Variants in THAP2 observed in about 807,000 individuals in gnomAD.
THAP2 encodes the protein THAP domain containing 2, also known as THAP domain-containing protein 2.
A neutral mutation model predicts 18.8 loss-of-function variants in THAP2; 16 were observed. The observed-to-expected ratio is 0.85, with a 90% CI of 0.58 to 1.29. The LOEUF (loss-of-function observed/expected upper bound fraction) is 1.29. Among genes scored for constraint, THAP2 ranks in the 50% most tolerant of loss-of-function variants. THAP2 has a pLI of 0.00. For missense variants in THAP2, 251 were observed against 265.3 expected (o/e 0.95, Z 0.38); for synonymous variants, 80 against 89.2 (o/e 0.90, Z 0.58).
intron 1 of THAP2, among the ~76,000 whole-genome samples, chr12:71,667,034 T>C (rs1432575605): frequency 6.6e-6 from 1 of 152,182 alleles, no homozygotes; most frequent in Admixed American, 6.5e-5. Context: ...GCCTGGCCAT[T>C]AGTAGACTTC....
chr12:71,667,016 G>A lies in THAP2; in HGVS notation c.71+2436G>A, dbSNP rs964005963. Among the ~76,000 whole-genome samples, 68 of 152,344 alleles carry A rather than the reference G, an allele frequency of 4.5e-4. 1 individual carries two copies. The highest frequency in any genetic ancestry group is 1.4e-3 in the Admixed American group (22 of 15,304). ...CAAAGTGTTGGGATTACAGGCGTAA[G>A]CCACCACGCCTGGCCATTAGTAGAC... is the stretch of plus-strand genomic sequence containing the variant. On this transcript the variant is annotated intron_variant, in intron 1 of 2. Coordinates refer to ENST00000308086, the MANE Select transcript of THAP2 (RefSeq NM_031435.4).
Position 71,664,349 on chromosome 12 carries a change from TC to T in THAP2, c.-159del. 2 of 756,904 alleles carry T rather than the reference TC, an allele frequency of 2.6e-6. No individual in the cohort carries two copies. The highest frequency in any genetic ancestry group is 2.5e-5 in the Admixed American group (1 of 39,476). 46.9% of individuals were successfully genotyped at this position (756,904 alleles called of 1,614,324 possible). On this transcript the variant is annotated 5_prime_UTR_variant, in exon 1 of 3. Transcript: ENST00000308086. ...AAGGGAAGGCTGACCGTCCTTCGCCTCCGCCCCCACATACACACCCCTTCTT... is the reference window on the plus strand; with the variant it reads ...AAGGGAAGGCTGACCGTCCTTCGCCTCGCCCCCACATACACACCCCTTCTT...
intron 1 of THAP2, among the ~76,000 whole-genome samples, chr12:71,671,882 A>T (rs1881444957): frequency 6.6e-6 from 1 of 152,226 alleles, no homozygotes; most frequent in South Asian, 2.1e-4. Flanking sequence ...ATTGTCCAAA[A>T]TGGAAAGAAC....
intron 1 of THAP2, among the ~76,000 whole-genome samples, chr12:71,672,100 T>A (rs1881451798): frequency 6.6e-6 from 1 of 152,180 alleles, no homozygotes; most frequent in East Asian, 1.9e-4. Flanking sequence ...TACAAAACAG[T>A]GTTAGCCTAT....
At position 71,677,034 on chromosome 12, in the gene THAP2, A is replaced by C. The variant is rs1246410783; in HGVS notation, c.613A>C (p.Ile205Leu). 14 of 1,613,428 alleles carry C rather than the reference A, an allele frequency of 8.7e-6. No homozygotes were observed. Among genetic ancestry groups the C allele is most frequent in the Admixed American group, 3.3e-5 (2 of 59,956 alleles). ...LSSLPLEDFKILEQDQQDKTL... is the reference protein window; with the variant it reads ...LSSLPLEDFKLLEQDQQDKTL... ...CAGTCTTCCTTTGGAAGATTTTAAG[A>C]TCCTTGAACAAGATCAACAAGATAA... The change falls in exon 3 of 3, where the codon ATC (isoleucine) becomes CTC (leucine). Residue 205 changes from isoleucine to leucine, a missense_variant. By Grantham distance (5) the Ile-to-Leu change is conservative. Coordinates refer to ENST00000308086, the MANE Select transcript of THAP2 (RefSeq NM_031435.4).
rs1881548757 is a variant in THAP2 at position 71,678,116 on chromosome 12, T to A, written c.*1008T>A. On this transcript the variant is annotated 3_prime_UTR_variant, in exon 3 of 3. Coordinates refer to ENST00000308086, the MANE Select transcript of THAP2 (RefSeq NM_031435.4). ...AAATGGCATCAGTTTATCTTAGACA[T>A]CAGCTTGCTTTTTATCTCCTTTTTT... is the stretch of plus-strand genomic sequence containing the variant. 6.6e-6 allele frequency: 1 copy of A among 152,190 alleles called. No individual in the cohort carries two copies. 9.4% of individuals were successfully genotyped at this position (152,190 alleles called of 1,614,324 possible).
rs1881492442 is a variant in THAP2, at chr12:71,674,494, G to A, written c.267+96G>A. On this transcript the variant is annotated intron_variant, in intron 2 of 2. Transcript: ENST00000308086. ...AACTGAAATTCATTTATAGTGATAT[G>A]CCTCAAAAAAGTTGCAGACCTTCCT... The A allele has an allele frequency of 2.4e-6, 3 of 1,262,810 alleles. No individual in the cohort carries two copies. In the East Asian group the frequency reaches 7.2e-5, roughly 30 times the overall value. 78.2% of individuals were successfully genotyped at this position (1,262,810 alleles called of 1,614,324 possible). A position where few individuals can be genotyped will look rare whatever the true frequency, so the allele number is the denominator to read the frequency against.
Position 71,664,406 on chromosome 12 carries a change from G to A in THAP2, c.-104G>A. 2 of 1,447,158 alleles carry A rather than the reference G, an allele frequency of 1.4e-6. No individual in the cohort carries two copies. The highest frequency in any genetic ancestry group is 1.9e-6 in the Non-Finnish European group (2 of 1,031,998). 89.6% of individuals were successfully genotyped at this position (1,447,158 alleles called of 1,614,324 possible). A position where few individuals can be genotyped will look rare whatever the true frequency, so the allele number is the denominator to read the frequency against. ...TCCGCTCTCACGACTAAGCTCTCAC[G>A]ATTAAGGCACGCCTGCCTCGATTGT... On this transcript the variant is annotated 5_prime_UTR_variant, in exon 1 of 3. Transcript: ENST00000308086.
At chr12:71,673,980 G>A (rs945802101) in intron 1 of THAP2, among the ~76,000 whole-genome samples, 2 of 150,956 alleles carry the variant, frequency 1.3e-5, no homozygotes, top group African/African-American at 2.4e-5. Flanking sequence ...CTTTTTAAAA[G>A]CCCTGAAAAA....
At chr12:71,666,377 G>A (rs1881342677) in intron 1 of THAP2, among the ~76,000 whole-genome samples, 1 of 152,064 alleles carries the variant, frequency 6.6e-6, no homozygotes, top group African/African-American at 2.4e-5. Flanking sequence ...GCTGGCCCTG[G>A]TGACGCATGC....
intron 2 of THAP2, among the ~76,000 whole-genome samples, chr12:71,675,220 T>G (rs1216550409): frequency 2.0e-5 from 3 of 152,058 alleles, no homozygotes; most frequent in African/African-American, 7.2e-5. Flanking sequence ...TTCTCTTGTT[T>G]GTAACTGTTA....
At chr12:71,668,726 T>C (rs1460668487) in intron 1 of THAP2, among the ~76,000 whole-genome samples, 1 of 152,240 alleles carries the variant, frequency 6.6e-6, no homozygotes, top group African/African-American at 2.4e-5. Context: ...TTATTGAAGA[T>C]GCACACAGAA....
intron 1 of THAP2, chr12:71,665,172 C>A: frequency 1.9e-6 from 1 of 537,428 alleles, no homozygotes; most frequent in South Asian, 2.3e-5. Flanking sequence ...AATCAAAATT[C>A]TTTAGTTCTG....
intron 2 of THAP2, among the ~76,000 whole-genome samples, chr12:71,674,905 T>C (rs1421288146): frequency 2.0e-5 from 3 of 151,832 alleles, no homozygotes; most frequent in Non-Finnish European, 4.4e-5. Context: ...ATAATTACAG[T>C]TGCATAATGA....
At chr12:71,671,722 T>C (rs1175737822) in intron 1 of THAP2, among the ~76,000 whole-genome samples, 1 of 152,230 alleles carries the variant, frequency 6.6e-6, no homozygotes, top group Non-Finnish European at 1.5e-5. Context: ...TTCCATAGCG[T>C]TGGCAATCCT....
chr12:71,668,587 A>T (rs918055654), intron 1 of THAP2, among the ~76,000 whole-genome samples: 1 of 152,180 alleles, frequency 6.6e-6, no homozygotes, highest in Non-Finnish European at 1.5e-5. Context: ...TATTGCATCC[A>T]GCTATTTGAT....
chr12:71,671,661 G>A (rs1454361862), intron 1 of THAP2, among the ~76,000 whole-genome samples: 1 of 152,142 alleles, frequency 6.6e-6, no homozygotes, highest in South Asian at 2.1e-4. Flanking sequence ...ATTTTCAATG[G>A]TGCAGTCCTT....
chr12:71,666,818 T>G (rs2137575939), intron 1 of THAP2, among the ~76,000 whole-genome samples: 1 of 152,208 alleles, frequency 6.6e-6, no homozygotes, highest in Non-Finnish European at 1.5e-5. Flanking sequence ...CACTGCAACC[T>G]CCACCTCCTG....
chr12:71,670,575 T>C (rs945650484), intron 1 of THAP2, among the ~76,000 whole-genome samples: 5 of 152,178 alleles, frequency 3.3e-5, no homozygotes, highest in African/African-American at 1.2e-4. Flanking sequence ...AATCAACACA[T>C]ATTTTTTATG....
Sources: gnomAD v4.1 joint callset for allele counts (sites outside exome capture counted in the v4.1 genomes callset) on GRCh38, gnomAD v4.1.1 for gene constraint, MANE v1.5 for transcripts, NCBI Gene and HGNC (gene_info 2026-07-23, HGNC 2026-07-21) for gene names.